Variants in SCN11A observed in about 807,000 individuals in gnomAD.
SCN11A encodes sodium voltage-gated channel alpha subunit 11, also known as sodium channel protein type 11 subunit alpha.
SCN11A carries 122 observed loss-of-function variants against 162.2 expected under a neutral mutation model. That is an observed-to-expected ratio of 0.75 (90% CI 0.65 to 0.87). The LOEUF (loss-of-function observed/expected upper bound fraction) is 0.87. SCN11A is among the 40% of genes least tolerant of loss of function. SCN11A has a pLI of 0.00. For synonymous variants in SCN11A, 758 were observed against 751.5 expected, an observed-to-expected ratio of 1.01 and a Z score of -0.14; for missense variants, 2,015 against 2,181.6, an observed-to-expected ratio of 0.92 and a Z score of 1.52.
chr3:38,900,627 CAAA>C (rs200757973), intron 16 of SCN11A, among the ~76,000 whole-genome samples: 39 of 101,796 alleles, frequency 3.8e-4, no homozygotes, highest in African/African-American at 7.5e-4. Context: ...CTTCCAGGGG[CAAA>C]AAAAAAAAAA....
chr3:39,024,403 C>A (rs905115671), intron 2 of SCN11A, among the ~76,000 whole-genome samples: 1 of 152,192 alleles, frequency 6.6e-6, no homozygotes, highest in Admixed American at 6.5e-5. Flanking sequence ...TTATGACCTA[C>A]TATCAGGCAA....
In SCN11A at chr3:38,950,196, A is replaced by G. The variant is rs1187810294; in HGVS notation, c.167T>C (p.Leu56Pro). Reference sequence around the variant, plus strand: ...CTTGGGCAACTTCCTGGAGGCCTTTAGGTCAAGCTGAGGCCGAGGCTGGGG... The same window carrying G: ...CTTGGGCAACTTCCTGGAGGCCTTTGGGTCAAGCTGAGGCCGAGGCTGGGG... Reference protein sequence around the residue: ...EVPQPRPQLDLKASRKLPKLY... With the variant: ...EVPQPRPQLDPKASRKLPKLY... Residue 56 changes from leucine to proline, a missense_variant, in exon 5 of 30, where the codon CTA (leucine) becomes CCA (proline). Leu to Pro is a moderately conservative substitution (Grantham distance 98, BLOSUM62 -3). Transcript: ENST00000302328. 6.2e-7 allele frequency: 1 copy of G among 1,613,768 alleles called. No individual in the cohort carries two copies. Among genetic ancestry groups the G allele is most frequent in the East Asian group, 2.2e-5 (1 of 44,856 alleles).
At chr3:39,017,848 T>C (rs2031340326) in intron 2 of SCN11A, among the ~76,000 whole-genome samples, 1 of 152,252 alleles carries the variant, frequency 6.6e-6, no homozygotes, top group South Asian at 2.1e-4. Context: ...TATCTCCTTA[T>C]TATGGGTCAT....
chr3:39,014,687 G>A (rs2031240281), intron 2 of SCN11A, among the ~76,000 whole-genome samples: 2 of 152,198 alleles, frequency 1.3e-5, no homozygotes, highest in South Asian at 4.1e-4. Context: ...TGGAAGTGAT[G>A]TTGTGTGGGA....
In SCN11A at chr3:38,904,975, C is replaced by T. The variant is rs536447202; in HGVS notation, c.1603+217G>A. 3.3e-5 allele frequency among the ~76,000 whole-genome samples: 5 copies of T among 152,300 alleles called. No individual in the cohort carries two copies. The East Asian group carries it at 9.6e-4, about 29-fold the overall frequency. ...GCCAGCTTCCACCTCTACCCAGGTG[C>T]CAGTTTAGAGTGGGCCCACAGGGAA... On this transcript the variant is annotated intron_variant, in intron 15 of 29. Transcript: ENST00000302328.
rs779400140 is a variant in SCN11A at position 38,872,281 on chromosome 3, G to T, written c.3407C>A (p.Thr1136Asn). Residue 1136 changes from threonine to asparagine, a missense_variant, in exon 24 of 30, where the codon ACC becomes AAC. Coordinates refer to ENST00000302328, the MANE Select transcript of SCN11A (RefSeq NM_001349253.2). ...CTTCAATTCCATTAAGTTAATGAGG[G>T]TGGTCACAGAGACCTGATGGGAAGA... ...DFIIVIVSVT[T>N]LINLMELKSF... is the part of the protein sequence containing the mutation. The T allele has an allele frequency of 1.3e-6, 2 of 1,599,928 alleles. No homozygotes were observed. Among genetic ancestry groups the T allele is most frequent in the East Asian group, 4.5e-5 (2 of 44,828 alleles).
intron 5 of SCN11A, among the ~76,000 whole-genome samples, chr3:38,947,836 G>A (rs34850289): frequency 0.11 from 16,552 of 152,266 alleles, 983 homozygotes; most frequent in Middle Eastern, 0.16. Context: ...AGTTACAAAA[G>A]CCTTCAGAAA....
chr3:38,901,865 A>G (rs1200301480), intron 16 of SCN11A, among the ~76,000 whole-genome samples: 2 of 152,168 alleles, frequency 1.3e-5, no homozygotes, highest in African/African-American at 4.8e-5. Flanking sequence ...CTGCCTGTGT[A>G]CTTGGAAAAC....
At chr3:38,931,853 A>T (rs1211899909) in intron 7 of SCN11A, among the ~76,000 whole-genome samples, 1 of 152,198 alleles carries the variant, frequency 6.6e-6, no homozygotes, top group Non-Finnish European at 1.5e-5. Context: ...TGCTCCAGTC[A>T]TTTTAGAAAT....
At chr3:38,857,887 A>G (rs1255788571) in intron 28 of SCN11A, among the ~76,000 whole-genome samples, 1 of 152,180 alleles carries the variant, frequency 6.6e-6, no homozygotes, top group Non-Finnish European at 1.5e-5. Context: ...TTTTGTATCC[A>G]GTAAAACTAA....
intron 19 of SCN11A, among the ~76,000 whole-genome samples, chr3:38,892,737 G>A (rs2065520746): frequency 6.6e-6 from 1 of 151,970 alleles, no homozygotes; most frequent in African/African-American, 2.4e-5. Flanking sequence ...AAACAGGAGA[G>A]AGGAAATAGA....
intron 19 of SCN11A, among the ~76,000 whole-genome samples, chr3:38,890,766 C>T (rs1228902283): frequency 6.6e-6 from 1 of 152,188 alleles, no homozygotes; most frequent in Non-Finnish European, 1.5e-5. Context: ...CAACAGTCAT[C>T]CTACACTGAC....
chr3:38,886,712 A>G (rs2065406454), intron 19 of SCN11A, among the ~76,000 whole-genome samples: 1 of 151,990 alleles, frequency 6.6e-6, no homozygotes, highest in Non-Finnish European at 1.5e-5. Context: ...AATTTGAAAA[A>G]TAACTTGCTA....
intron 2 of SCN11A, among the ~76,000 whole-genome samples, chr3:38,967,382 G>GA (rs2125585738): frequency 6.6e-6 from 1 of 152,322 alleles, no homozygotes; most frequent in East Asian, 1.9e-4. Flanking sequence ...GCCATGCTGT[G>GA]AGGACACTCA....
At chr3:38,979,975 T>C (rs980831980) in intron 2 of SCN11A, among the ~76,000 whole-genome samples, 17 of 152,308 alleles carry the variant, frequency 1.1e-4, no homozygotes, top group African/African-American at 3.8e-4. Context: ...AAGCCGCTTG[T>C]TGTTCTGTGG....
At chr3:39,013,580 G>C (rs2031207355) in intron 2 of SCN11A, among the ~76,000 whole-genome samples, 1 of 152,170 alleles carries the variant, frequency 6.6e-6, no homozygotes, top group African/African-American at 2.4e-5. Context: ...GCACAAACAA[G>C]CACAGGATCA....
At chr3:38,886,862 C>T (rs1363945143) in intron 19 of SCN11A, among the ~76,000 whole-genome samples, 2 of 152,050 alleles carry the variant, frequency 1.3e-5, no homozygotes, top group Non-Finnish European at 2.9e-5. Context: ...AGGATGTGTA[C>T]AGTCATGTAA....
intron 2 of SCN11A, among the ~76,000 whole-genome samples, chr3:39,008,987 T>C (rs1218429165): frequency 6.6e-6 from 1 of 152,110 alleles, no homozygotes; most frequent in African/African-American, 2.4e-5. Context: ...ATTTGCAAGG[T>C]CAAAGCTATT....
chr3:38,984,130 A>G (rs1182788265), intron 2 of SCN11A, among the ~76,000 whole-genome samples: 1 of 152,208 alleles, frequency 6.6e-6, no homozygotes, highest in Non-Finnish European at 1.5e-5. Flanking sequence ...GGAATCCCAG[A>G]GCAGTCTTGC....
Sources: gnomAD v4.1 joint callset for allele counts (sites outside exome capture counted in the v4.1 genomes callset) on GRCh38, gnomAD v4.1.1 for gene constraint, MANE v1.5 for transcripts, NCBI Gene and HGNC (gene_info 2026-07-23, HGNC 2026-07-21) for gene names.